The following AP2A2 variants were observed in gnomAD, a reference collection of about 807,000 sequenced individuals.
AP2A2 encodes the protein AP-2 complex subunit alpha-2.
A neutral mutation model predicts 104.2 loss-of-function variants in AP2A2; 32 were observed. The ratio of observed to expected loss-of-function variants is 0.31; its 90% CI spans 0.23 to 0.41. AP2A2 has a LOEUF of 0.41. Among genes scored for constraint, AP2A2 ranks in the 10% least tolerant of loss-of-function variants. The pLI is 1.00. For synonymous variants in AP2A2, 539 were observed against 533.3 expected, an observed-to-expected ratio of 1.01 and a Z score of -0.15; for missense variants, 912 against 1,261.0, an observed-to-expected ratio of 0.72 and a Z score of 4.19.
intron 1 of AP2A2, among the ~76,000 whole-genome samples, chr11:934,811 T>A (rs1303584630): frequency 6.6e-6 from 1 of 152,150 alleles, no homozygotes; most frequent in Non-Finnish European, 1.5e-5. Context: ...TGGACCGCCT[T>A]TGTGTTTCAT....
chr11:1,008,664 G>A, intron 18 of AP2A2: 1 of 215,346 alleles, frequency 4.6e-6, no homozygotes, highest in Admixed American at 5.2e-5. Context: ...CTGGGTGTCT[G>A]CAAGGTTAGG....
intron 9 of AP2A2, 97 bp from the exon 10 acceptor site, chr11:988,455 A>T: frequency 6.9e-7 from 1 of 1,453,598 alleles, no homozygotes; most frequent in South Asian, 1.2e-5. Context: ...GGAAACTCAG[A>T]GTGGGTGTTG....
At chr11:942,869 C>G (rs1340387482) in intron 1 of AP2A2, among the ~76,000 whole-genome samples, 1 of 152,096 alleles carries the variant, frequency 6.6e-6, no homozygotes, top group Non-Finnish European at 1.5e-5. Flanking sequence ...CAGCCTTGTC[C>G]CAGCCTGGAG....
At chr11:927,139 G>A (rs1037476846) in intron 1 of AP2A2, among the ~76,000 whole-genome samples, 4 of 152,026 alleles carry the variant, frequency 2.6e-5, no homozygotes, top group African/African-American at 9.7e-5. Flanking sequence ...CCATCACGGC[G>A]CACTCAACCT....
At position 972,272 on chromosome 11, in the gene AP2A2, T is replaced by C; in HGVS notation, c.473+17T>C. The C allele has an allele frequency of 6.4e-7, 1 of 1,556,778 alleles. No homozygotes were observed. Among genetic ancestry groups the C allele is most frequent in the East Asian group, 2.3e-5 (1 of 43,574 alleles). ...CGTAGCCGGGTATGTGCCGGGCTCG[T>C]GCCGGGCTCCTGCTGAAGATGTGCT... On this transcript the variant is annotated intron_variant, in intron 4 of 21. Coordinates refer to ENST00000448903, the MANE Select transcript of AP2A2 (RefSeq NM_012305.4).
At position 993,778 on chromosome 11, in the gene AP2A2, G is replaced by A; in HGVS notation, c.1575G>A (p.Leu525=). ...RSSPLIQFHL[L]HSKFHLCSVP... ...GCCCGCTGATCCAGTTCCACCTGCTGCACTCCAAGTTCCACCTGTGCAGCG... is the reference window on the plus strand; with the variant it reads ...GCCCGCTGATCCAGTTCCACCTGCTACACTCCAAGTTCCACCTGTGCAGCG... Residue 525 remains leucine (L), a synonymous_variant, in exon 13 of 22, where the codon CTG becomes CTA. Coordinates refer to ENST00000448903, the MANE Select transcript of AP2A2 (RefSeq NM_012305.4). The surrounding 1 kb of genome is among the most constrained non-coding windows in gnomAD (Gnocchi z 8.2). 1.2e-6 allele frequency: 2 copies of A among 1,603,230 alleles called. No individual in the cohort carries two copies. Among genetic ancestry groups the A allele is most frequent in the Non-Finnish European group, 1.7e-6 (2 of 1,177,514 alleles).
At chr11:929,711 G>T (rs752753616) in intron 1 of AP2A2, among the ~76,000 whole-genome samples, 1 of 152,010 alleles carries the variant, frequency 6.6e-6, no homozygotes, top group Admixed American at 6.6e-5. Context: ...TGAGAGCATT[G>T]TCTGAGCCCT....
At chr11:981,951 G>A (rs1026920400) in intron 6 of AP2A2, among the ~76,000 whole-genome samples, 8 of 152,286 alleles carry the variant, frequency 5.3e-5, no homozygotes, top group Admixed American at 5.2e-4. Flanking sequence ...CCGTGCACAC[G>A]GCTCTCACAG....
intron 1 of AP2A2, among the ~76,000 whole-genome samples, chr11:931,802 GTTTT>G (rs138261185): frequency 8.0e-6 from 1 of 125,172 alleles, no homozygotes. Context: ...TCCATTTCTT[GTTTT>G]TTTTTTTTTT....
At chr11:953,537 C>T (rs1015030762) in intron 1 of AP2A2, among the ~76,000 whole-genome samples, 8 of 115,196 alleles carry the variant, frequency 6.9e-5, no homozygotes, top group Admixed American at 2.2e-4. Flanking sequence ...GGCTTTTCTA[C>T]CGTAAGAGCC....
At chr11:928,946 G>A (rs890886831) in intron 1 of AP2A2, among the ~76,000 whole-genome samples, 15 of 152,084 alleles carry the variant, frequency 9.9e-5, no homozygotes, top group African/African-American at 3.1e-4. Flanking sequence ...TACAAGGTGC[G>A]CACCCTATCT....
At chr11:941,407 G>A (rs950798644) in intron 1 of AP2A2, among the ~76,000 whole-genome samples, 2 of 152,042 alleles carry the variant, frequency 1.3e-5, no homozygotes, top group Non-Finnish European at 1.5e-5. Context: ...ATTTATCACT[G>A]CCTGAGAGAA....
intron 1 of AP2A2, chr11:943,078 G>A (rs752647626): frequency 6.6e-6 from 1 of 152,200 alleles, no homozygotes; most frequent in South Asian, 2.1e-4. Context: ...AAAGGAAAGC[G>A]AGTGAGTAAC....
intron 1 of AP2A2, chr11:948,444 A>G (rs780578649): frequency 1.3e-5 from 2 of 152,266 alleles, no homozygotes; most frequent in Non-Finnish European, 2.9e-5. Flanking sequence ...CAACACATAT[A>G]CTAAAATTGG....
intron 15 of AP2A2, 134 bp downstream of exon 15, chr11:1,000,732 G>A (rs1200613902): frequency 9.9e-6 from 10 of 1,010,440 alleles, no homozygotes; most frequent in African/African-American, 1.6e-5. Context: ...GGGAGAGAGC[G>A]GGAGCTGCTG....
intron 21 of AP2A2, chr11:1,010,053 C>T (rs1169609048): frequency 1.1e-5 from 6 of 545,062 alleles, no homozygotes; most frequent in East Asian, 9.0e-5. Flanking sequence ...TGTTTAACCA[C>T]CACCCTGTCA....
At chr11:981,730 G>A (rs1361211872) in intron 6 of AP2A2, among the ~76,000 whole-genome samples, 1 of 152,268 alleles carries the variant, frequency 6.6e-6, no homozygotes, top group Non-Finnish European at 1.5e-5. Flanking sequence ...ATTCATGTTT[G>A]ATGCTTCATA....
At chr11:972,982 C>T (rs1446169817) in intron 4 of AP2A2, among the ~76,000 whole-genome samples, 1 of 152,256 alleles carries the variant, frequency 6.6e-6, no homozygotes, top group Non-Finnish European at 1.5e-5. Flanking sequence ...GGGGCTGAGT[C>T]ACCAGCTCTG....
rs916797901 is a variant in AP2A2 at position 953,065 on chromosome 11, G to A, written c.68-6372G>A. 3.3e-5 allele frequency among the ~76,000 whole-genome samples: 5 copies of A among 152,304 alleles called. No individual in the cohort carries two copies. In the South Asian group the frequency reaches 8.3e-4, roughly 25 times the overall value. ...TTGATCATGCAGCTTCTACTAGAGC[G>A]TTTTTGGTAAATTTGGGACATGGTA... On this transcript the variant is annotated intron_variant, in intron 1 of 21. Transcript: ENST00000448903.
Sources: allele counts gnomAD v4.1 joint callset (sites outside exome capture counted in the v4.1 genomes callset), GRCh38; gene constraint gnomAD v4.1.1; non-coding constraint Gnocchi (gnomAD v3.1); transcripts MANE v1.5; gene names NCBI Gene and HGNC (gene_info 2026-07-23, HGNC 2026-07-21).